Variants in SPAG16 observed in about 807,000 individuals in gnomAD.
SPAG16 encodes sperm-associated antigen 16 protein.
SPAG16 carries 86 observed loss-of-function variants against 80.4 expected under a neutral mutation model. That is an observed-to-expected ratio of 1.07 (90% confidence interval 0.90 to 1.28). The LOEUF (loss-of-function observed/expected upper bound fraction) is 1.28. SPAG16 is among the 50% of genes most tolerant of loss of function. The pLI is 0.00. For synonymous variants in SPAG16, 294 were observed against 265.9 expected (o/e 1.11, Z -1.03); for missense variants, 870 against 765.3 (o/e 1.14, Z -1.61).
chr2:213,822,810 A>G (rs951657413), intron 10 of SPAG16, among the ~76,000 whole-genome samples: 1 of 152,076 alleles, frequency 6.6e-6, no homozygotes, highest in Non-Finnish European at 1.5e-5. Flanking sequence ...CCCACTTATG[A>G]GTGAGAATAT....
intron 11 of SPAG16, among the ~76,000 whole-genome samples, chr2:213,879,118 C>T (rs1462234351): frequency 1.5e-5 from 2 of 135,868 alleles, no homozygotes; most frequent in East Asian, 4.4e-4. Context: ...CTTAGGATTG[C>T]TTTGTCTATT....
chr2:214,143,394 AG>A (rs2055470968), intron 14 of SPAG16, among the ~76,000 whole-genome samples: 1 of 152,050 alleles, frequency 6.6e-6, no homozygotes, highest in East Asian at 1.9e-4. Context: ...CATCTTGACC[AG>A]GGTCCTTCCA....
intron 10 of SPAG16, among the ~76,000 whole-genome samples, chr2:213,524,244 G>A (rs2075794596): frequency 6.6e-6 from 1 of 152,212 alleles, no homozygotes; most frequent in Non-Finnish European, 1.5e-5. Context: ...TGAGCCTGCA[G>A]ATGTACAGAA....
intron 10 of SPAG16, among the ~76,000 whole-genome samples, chr2:213,562,374 T>C (rs2059621763): frequency 6.6e-6 from 1 of 152,224 alleles, no homozygotes; most frequent in Non-Finnish European, 1.5e-5. Flanking sequence ...GTTCATGTTA[T>C]CTCTTTAATT....
chr2:214,229,760 A>AG (rs1243898694), intron 15 of SPAG16, among the ~76,000 whole-genome samples: 2 of 151,936 alleles, frequency 1.3e-5, no homozygotes, highest in Admixed American at 1.3e-4. Flanking sequence ...TACAGTCAAT[A>AG]CAAACATGGG....
intron 13 of SPAG16, among the ~76,000 whole-genome samples, chr2:214,071,915 A>G (rs985640811): frequency 3.3e-5 from 5 of 152,176 alleles, no homozygotes; most frequent in African/African-American, 1.2e-4. Context: ...AATTATAACT[A>G]ATTTTAAACT....
chr2:213,306,479 C>T (rs1187829932), intron 3 of SPAG16, among the ~76,000 whole-genome samples: 1 of 79,056 alleles, frequency 1.3e-5, no homozygotes, highest in Non-Finnish European at 2.8e-5. Context: ...GTCATGTGCT[C>T]CTAATGTCCA....
chr2:214,167,994 C>T (rs59642738), intron 15 of SPAG16, among the ~76,000 whole-genome samples: 11 of 133,052 alleles, frequency 8.3e-5, no homozygotes, highest in South Asian at 2.4e-4. Flanking sequence ...TTCTTTTTCT[C>T]TTTTTTTTTT....
At position 213,908,164 on chromosome 2, in the gene SPAG16, G is replaced by A. The variant is rs73986992; in HGVS notation, c.1215-21796G>A. On this transcript the variant is annotated intron_variant, in intron 11 of 15. Transcript: ENST00000331683. ...TTATGAATCAACTAAAGATAAAAGA[G>A]AAAATAATTCAGTTGAAGATGAGTA... is the stretch of plus-strand genomic sequence containing the variant. Among the ~76,000 whole-genome samples the A allele has an allele frequency of 1.7e-3, 261 of 152,224 alleles. 1 individual carries two copies. Among genetic ancestry groups the A allele is most frequent in the African/African-American group, 5.9e-3 (245 of 41,542 alleles).
At chr2:214,366,910 A>C (rs1699513648) in intron 15 of SPAG16, among the ~76,000 whole-genome samples, 2 of 152,164 alleles carry the variant, frequency 1.3e-5, no homozygotes, top group South Asian at 4.1e-4. Flanking sequence ...AGCCTGTTAC[A>C]TCCCAAAATC....
intron 10 of SPAG16, among the ~76,000 whole-genome samples, chr2:213,716,285 C>A (rs1266129146): frequency 1.3e-5 from 2 of 152,302 alleles, no homozygotes; most frequent in South Asian, 4.1e-4. Context: ...GATTAATACA[C>A]AGCTCCATCA....
intron 11 of SPAG16, among the ~76,000 whole-genome samples, chr2:213,886,013 A>G (rs2076541324): frequency 6.6e-6 from 1 of 152,164 alleles, no homozygotes; most frequent in Non-Finnish European, 1.5e-5. Flanking sequence ...ACAGCCATGT[A>G]AAAATATGAT....
rs576593349 is a variant in SPAG16 at position 213,828,365 on chromosome 2, G to T, written c.1071-34120G>T. On this transcript the variant is annotated intron_variant, in intron 10 of 15. Transcript: ENST00000331683. ...TTTTTCAACTCCAGAATTTCTTCTTGATTTTTCTTTATTATTTCAATTTCT... is the reference window on the plus strand; with the variant it reads ...TTTTTCAACTCCAGAATTTCTTCTTTATTTTTCTTTATTATTTCAATTTCT... Among the ~76,000 whole-genome samples, 7 of 152,106 alleles carry T rather than the reference G, an allele frequency of 4.6e-5. No individual in the cohort carries two copies. In the East Asian group the frequency reaches 1.4e-3, roughly 29 times the overall value.
At chr2:213,363,781 G>C (rs2066127481) in intron 7 of SPAG16, among the ~76,000 whole-genome samples, 1 of 151,908 alleles carries the variant, frequency 6.6e-6, no homozygotes, top group Non-Finnish European at 1.5e-5. Context: ...ATAGAGAATT[G>C]AATAATTATT....
At chr2:213,985,544 A>G (rs1253774997) in intron 12 of SPAG16, among the ~76,000 whole-genome samples, 1 of 152,106 alleles carries the variant, frequency 6.6e-6, no homozygotes, top group Admixed American at 6.6e-5. Flanking sequence ...CAGTAGGCTC[A>G]TATAAACCTG....
intron 15 of SPAG16, among the ~76,000 whole-genome samples, chr2:214,187,182 G>A (rs567975732): frequency 1.4e-4 from 21 of 152,036 alleles, no homozygotes; most frequent in African/African-American, 4.8e-4. Context: ...TACGTTAAGT[G>A]TAAGTACATA....
At chr2:213,680,449 G>A (rs1456150503) in intron 10 of SPAG16, among the ~76,000 whole-genome samples, 1 of 138,092 alleles carries the variant, frequency 7.2e-6, no homozygotes. Context: ...AAAAAAAAAA[G>A]ATGTTTTATT....
rs569301969 is a variant in SPAG16, at chr2:213,846,183, T to G, written c.1071-16302T>G. The stretch of plus-strand genomic sequence containing the variant: ...GTTGAAAATTGTTTTGAAAATTAGT[T>G]TCACATTTATCTTTTAGGGAAAAAG... On this transcript the variant is annotated intron_variant, in intron 10 of 15. Transcript: ENST00000331683. 5.9e-5 allele frequency among the ~76,000 whole-genome samples: 9 copies of G among 152,328 alleles called. No homozygotes were observed. In the South Asian group the frequency reaches 1.9e-3, roughly 32 times the overall value.
At chr2:214,214,188 T>C (rs909385630) in intron 15 of SPAG16, among the ~76,000 whole-genome samples, 20 of 150,910 alleles carry the variant, frequency 1.3e-4, no homozygotes, top group Admixed American at 1.3e-4. Flanking sequence ...CTTTTTACTT[T>C]TTTTTTTTTT....
Sources: gnomAD v4.1 joint callset for allele counts (sites outside exome capture counted in the v4.1 genomes callset) on GRCh38, gnomAD v4.1.1 for gene constraint, MANE v1.5 for transcripts, NCBI Gene and HGNC (gene_info 2026-07-23, HGNC 2026-07-21) for gene names.